Variants in SCN1A observed in about 807,000 individuals in gnomAD.
SCN1A encodes the protein sodium voltage-gated channel alpha subunit 1, also known as sodium channel protein type 1 subunit alpha.
A neutral mutation model predicts 193.7 loss-of-function variants in SCN1A; 13 were observed. The observed-to-expected ratio is 0.07, with a 90% CI of 0.04 to 0.11. The LOEUF (loss-of-function observed/expected upper bound fraction) is 0.11. Among genes scored for constraint, SCN1A ranks in the 10% least tolerant of loss-of-function variants. The pLI is 1.00. For missense variants in SCN1A, 1,432 were observed against 2,451.1 expected (o/e 0.58, Z 8.78); for synonymous variants, 781 against 843.6 (o/e 0.93, Z 1.29).
intron 25 of SCN1A, 26 bp from the exon 26 acceptor site, chr2:165,998,201 A>C (rs770992386): frequency 6.3e-7 from 1 of 1,587,852 alleles, no homozygotes; most frequent in Non-Finnish European, 8.6e-7. Context: ...ATTTTGTAAA[A>C]TATTACCATA....
At chr2:166,140,877 G>A (rs1692052241) in intron 1 of SCN1A, among the ~76,000 whole-genome samples, 1 of 152,136 alleles carries the variant, frequency 6.6e-6, no homozygotes. Context: ...CCTTGCTTCT[G>A]AAAGTGTGGC....
At position 166,145,273 on chromosome 2, in the gene SCN1A, G is replaced by A. The variant is rs550468194; in HGVS notation, c.-50+3774C>T. ...CACCTGGTCTCGATCTCCTGACCTC[G>A]TGATCTGCCCGCTTCGGCCTCCCCA... On this transcript the variant is annotated intron_variant, in intron 1 of 26. Transcript: ENST00000635750. Among the ~76,000 whole-genome samples the A allele has an allele frequency of 9.5e-4, 142 of 149,674 alleles. 1 individual carries two copies. Among genetic ancestry groups the A allele is most frequent in the African/African-American group, 3.1e-3 (125 of 40,732 alleles).
chr2:166,063,387 A>G (rs1683520762), intron 4 of SCN1A, among the ~76,000 whole-genome samples: 1 of 152,114 alleles, frequency 6.6e-6, no homozygotes, highest in African/African-American at 2.4e-5. Context: ...TATTGGGCAT[A>G]TATACAATAA....
chr2:166,043,741 A>T lies in SCN1A; in HGVS notation c.1971T>A (p.Pro657=). The part of the protein sequence containing the change: ...CNGVVSLVGG[P]SVPTSPVGQL... ...GTCCAACAGGCGATGTAGGAACTGA[A>T]GGTCCACCAACCAAGGAAACCACAC... The change falls in exon 14 of 29, where the codon CCT becomes CCA. Residue 657 remains proline (P), a synonymous_variant. Coordinates refer to ENST00000674923, the MANE Select transcript of SCN1A (RefSeq NM_001165963.4). 1.9e-6 allele frequency: 3 copies of T among 1,614,170 alleles called. No individual in the cohort carries two copies. Among genetic ancestry groups the T allele is most frequent in the Non-Finnish European group, 2.5e-6 (3 of 1,180,012 alleles).
intron 23 of SCN1A, chr2:166,009,497 AT>A: frequency 3.1e-6 from 1 of 321,448 alleles, no homozygotes; most frequent in East Asian, 5.6e-5. Context: ...AAATAAAGTC[AT>A]TTAAATAAGC....
intron 25 of SCN1A, among the ~76,000 whole-genome samples, chr2:165,998,412 A>G (rs182843915): frequency 9.9e-5 from 15 of 151,198 alleles, no homozygotes. Flanking sequence ...ATAAATACAA[A>G]TAATATTCTT....
rs1688637443 is a variant in SCN1A at position 165,986,734 on chromosome 2, A to G, written c.*4511T>C. On this transcript the variant is annotated 3_prime_UTR_variant, in exon 29 of 29. Transcript: ENST00000674923. The stretch of plus-strand genomic sequence containing the variant: ...AAAATCCTCCCCTTTCTAAAGACAC[A>G]CACACATCTATACTTTTATCTATGT... 1 of 151,398 alleles carries G rather than the reference A, an allele frequency of 6.6e-6. No homozygotes were observed. Among genetic ancestry groups the G allele is most frequent in the Admixed American group, 6.6e-5 (1 of 15,162 alleles). The allele number at this position is 151,398 out of a possible 1,614,324, so 9.4% of individuals were successfully genotyped here.
intron 13 of SCN1A, 25 bp from the exon 14 acceptor site, chr2:166,044,074 A>G: frequency 6.2e-7 from 1 of 1,613,154 alleles, no homozygotes; most frequent in Non-Finnish European, 8.5e-7. Flanking sequence ...GAGCAAACAA[A>G]TAAAGTCATA....
intron 13 of SCN1A, among the ~76,000 whole-genome samples, 163 bp downstream of exon 13, chr2:166,044,880 A>G (rs899373055): frequency 2.6e-5 from 4 of 152,178 alleles, no homozygotes; most frequent in Non-Finnish European, 5.9e-5. Context: ...ATATCTGTGG[A>G]GTAAAGTTTT....
chr2:166,012,999 G>A (rs1692744009), intron 21 of SCN1A, among the ~76,000 whole-genome samples: 1 of 151,156 alleles, frequency 6.6e-6, no homozygotes, highest in South Asian at 2.1e-4. Flanking sequence ...ATTATAAAAA[G>A]TTAAACTTGT....
Position 166,041,332 on chromosome 2 carries a change from G to C in SCN1A, c.2314C>G (p.Leu772Val). Residue 772 changes from leucine (L) to valine (V), a missense_variant, in exon 16 of 29, where the codon CTG becomes GTG. Coordinates refer to ENST00000674923, the MANE Select transcript of SCN1A (RefSeq NM_001165963.4). Reference protein sequence around the residue: ...NLVVMDPFVDLAITICIVLNT... With the variant: ...NLVVMDPFVDVAITICIVLNT... ...AAGACAATACAGATGGTGATGGCCA[G>C]GTCAACAAATGGGTCCATCACAACC... is the stretch of plus-strand genomic sequence containing the variant. The C allele has an allele frequency of 1.2e-6, 2 of 1,613,676 alleles. No homozygotes were observed. The highest frequency in any genetic ancestry group is 2.2e-5 in the South Asian group (2 of 91,056).
intron 9 of SCN1A, among the ~76,000 whole-genome samples, chr2:166,049,165 CATTAG>C (rs1347064368): frequency 1.1e-5 from 1 of 88,010 alleles, no homozygotes; most frequent in African/African-American, 3.1e-5. Flanking sequence ...GAAGAAATGA[CATTAG>C]ATTAGATACA....
At chr2:166,065,277 G>T (rs1017352771) in intron 4 of SCN1A, among the ~76,000 whole-genome samples, 8 of 152,136 alleles carry the variant, frequency 5.3e-5, no homozygotes, top group Admixed American at 2.0e-4. Context: ...TTGGAAAGAG[G>T]TTCCAGCATG....
intron 24 of SCN1A, 127 bp downstream of exon 24, chr2:166,002,345 C>A: frequency 9.6e-7 from 1 of 1,038,468 alleles, no homozygotes; most frequent in Non-Finnish European, 1.4e-6. Context: ...CTTGTACTAA[C>A]AAATTGAAAT....
intron 19 of SCN1A, among the ~76,000 whole-genome samples, chr2:166,028,183 AAT>A (rs1195959507): frequency 6.6e-6 from 1 of 152,170 alleles, no homozygotes; most frequent in Non-Finnish European, 1.5e-5. Flanking sequence ...TCAATAATTA[AAT>A]ATAAGGGAAC....
rs764174474 is a variant in SCN1A, at chr2:166,037,884, G to A, written c.2838C>T (p.Arg946=). The A allele has an allele frequency of 2.7e-5, 43 of 1,613,990 alleles. No homozygotes were observed. The highest frequency in any genetic ancestry group is 3.5e-5 in the Non-Finnish European group (41 of 1,180,030). ...DFFHSFLIVF[R]VLCGEWIETM... is the part of the protein sequence containing the mutation. Reference sequence around the variant, plus strand: ...TCTCTATCCACTCCCCACACAGCACGCGGAACACAATCAGGAAGGAGTGGA... The same window carrying A: ...TCTCTATCCACTCCCCACACAGCACACGGAACACAATCAGGAAGGAGTGGA... The change falls in exon 18 of 29, where the codon CGC becomes CGT. Residue 946 remains arginine (R), a synonymous_variant. Coordinates refer to ENST00000674923, the MANE Select transcript of SCN1A (RefSeq NM_001165963.4).
upstream of SCN1A, among the ~76,000 whole-genome samples, chr2:166,132,460 C>T (rs1691700809): frequency 6.6e-6 from 1 of 151,906 alleles, no homozygotes; most frequent in East Asian, 1.9e-4. Context: ...TTCACCAACA[C>T]TGTGCCACTA....
At chr2:166,123,986 G>C (rs994561310) in intron 2 of SCN1A, among the ~76,000 whole-genome samples, 1 of 151,970 alleles carries the variant, frequency 6.6e-6, no homozygotes, top group African/African-American at 2.4e-5. Context: ...TTAGATTTCT[G>C]CTTAAAAAAA....
At chr2:166,042,992 T>A (rs1165754821) in intron 14 of SCN1A, among the ~76,000 whole-genome samples, 1 of 152,208 alleles carries the variant, frequency 6.6e-6, no homozygotes, top group African/African-American at 2.4e-5. Context: ...GACTTAGTCA[T>A]GCCTCCTCAT....
Sources: gnomAD v4.1 joint callset for allele counts (sites outside exome capture counted in the v4.1 genomes callset) on GRCh38, gnomAD v4.1.1 for gene constraint, MANE v1.5 for transcripts, NCBI Gene and HGNC (gene_info 2026-07-23, HGNC 2026-07-21) for gene names.